RFT1: variants seen among roughly 807,000 people sequenced by gnomAD.
The protein encoded by RFT1 is man(5)GlcNAc(2)-PP-dolichol translocation protein RFT1.
A neutral mutation model predicts 62.2 loss-of-function variants in RFT1; 43 were observed. The observed-to-expected ratio is 0.69, with a 90% CI of 0.54 to 0.89. The LOEUF is 0.89. Ranked by LOEUF, RFT1 falls within the 40% of genes least tolerant of loss-of-function variation. The probability of loss-of-function intolerance (pLI) is 0.00; values close to 1 mark genes in which losing one functional copy is unlikely to be tolerated. For synonymous variants in RFT1, 262 were observed against 264.6 expected, an observed-to-expected ratio of 0.99 and a Z score of 0.10; for missense variants, 605 against 649.9, an observed-to-expected ratio of 0.93 and a Z score of 0.75.
At chr3:53,093,044 C>T (rs1303758401) in intron 11 of RFT1, among the ~76,000 whole-genome samples, 1 of 152,138 alleles carries the variant, frequency 6.6e-6, no homozygotes, top group African/African-American at 2.4e-5. Context: ...GGATTTATTT[C>T]ACAGACAAGG....
At chr3:53,125,847 G>T in intron 2 of RFT1, 62 bp downstream of exon 2, 2 of 1,287,538 alleles carry the variant, frequency 1.6e-6, no homozygotes, top group Non-Finnish European at 2.2e-6. Flanking sequence ...CAGGTACAGA[G>T]TTTGAAGAAA....
intron 5 of RFT1, among the ~76,000 whole-genome samples, chr3:53,120,862 A>C (rs1422591255): frequency 1.3e-5 from 2 of 152,176 alleles, no homozygotes; most frequent in African/African-American, 4.8e-5. Flanking sequence ...CTCCACTCCC[A>C]ACCATGCCTG....
intron 12 of RFT1, 58 bp downstream of exon 12, chr3:53,092,311 G>A (rs1701014483): frequency 1.3e-5 from 20 of 1,569,264 alleles, no homozygotes; most frequent in East Asian, 2.3e-5. Flanking sequence ...GAGGCCTAGC[G>A]GGAGAGACAG....
chr3:53,106,987 T>C, intron 7 of RFT1, 118 bp from the exon 8 acceptor site: 1 of 749,774 alleles, frequency 1.3e-6, no homozygotes, highest in Non-Finnish European at 2.4e-6. Flanking sequence ...TACTAGGTAA[T>C]CAGTTAAAGA....
the RFT1 span, among the ~76,000 whole-genome samples, chr3:53,067,845 G>C: frequency 6.6e-6 from 1 of 152,208 alleles, no homozygotes; most frequent in African/African-American, 2.4e-5. Context: ...CCACTGGCTG[G>C]GGAATAAGGT....
Position 53,130,388 on chromosome 3 carries a change from C to G in RFT1, c.13G>C (p.Glu5Gln). The G allele has an allele frequency of 1.3e-6, 2 of 1,556,646 alleles. No individual in the cohort carries two copies. Among genetic ancestry groups the G allele is most frequent in the Non-Finnish European group, 1.7e-6 (2 of 1,150,384 alleles). Residue 5 changes from glutamate to glutamine, a missense_variant, in exon 1 of 13, where the codon GAG (glutamate) becomes CAG (glutamine). Coordinates refer to ENST00000296292, the MANE Select transcript of RFT1 (RefSeq NM_052859.4). ...AGCCGGGCCGCGTGGCCCAGCACCT[C>G]CTGGCTGCCCATAGCCTCCGCGCCA... MGSQ[E>Q]VLGHAARLAS...
At chr3:53,073,696 C>T in the RFT1 span, among the ~76,000 whole-genome samples, 7 of 152,204 alleles carry the variant, frequency 4.6e-5, no homozygotes, top group Non-Finnish European at 1.0e-4. Context: ...TTGCCTTGCC[C>T]TGGGGGCAAC....
intron 7 of RFT1, among the ~76,000 whole-genome samples, chr3:53,110,943 C>A (rs1446456626): frequency 1.3e-5 from 2 of 152,074 alleles, no homozygotes; most frequent in Non-Finnish European, 2.9e-5. Context: ...GCTTCCAGCC[C>A]CTTGCTGGCC....
At chr3:53,103,218 A>G (rs766933521) in intron 10 of RFT1, 5 of 985,304 alleles carry the variant, frequency 5.1e-6, no homozygotes, top group East Asian at 1.1e-4. Context: ...AGCCCTTTAT[A>G]TTGAGATGGG....
rs746949696 is a variant in RFT1 at position 53,106,818 on chromosome 3, C to T, written c.826+1G>A. ...TAAAACACTACAGAATTTCATCTTA[C>T]CCTGATCACCAAAGTTCAATACATT... On this transcript the variant is annotated splice_donor_variant, in intron 8 of 12. Transcript: ENST00000296292. LOFTEE classifies it high-confidence loss of function. 8 of 1,610,504 alleles carry T rather than the reference C, an allele frequency of 5.0e-6. No individual in the cohort carries two copies. The highest frequency in any genetic ancestry group is 6.8e-6 in the Non-Finnish European group (8 of 1,176,854).
chr3:53,099,607 G>A (rs549652661), intron 10 of RFT1, 121 bp from the exon 11 acceptor site: 2 of 743,688 alleles, frequency 2.7e-6, no homozygotes, highest in South Asian at 2.9e-5. Context: ...TATCAGCAAT[G>A]GGCAGACTGC....
At chr3:53,098,573 C>T (rs140346251) in intron 11 of RFT1, among the ~76,000 whole-genome samples, 332 of 152,120 alleles carry the variant, frequency 2.2e-3, no homozygotes, top group Non-Finnish European at 3.5e-3. Flanking sequence ...GAGGCCAAGG[C>T]GGGAGAATCA....
chr3:53,109,430 A>T (rs1408892693), intron 7 of RFT1, among the ~76,000 whole-genome samples: 1 of 152,194 alleles, frequency 6.6e-6, no homozygotes, highest in Non-Finnish European at 1.5e-5. Flanking sequence ...CCTGTTACTC[A>T]TTCATCTCAG....
rs1559595960 is a variant in RFT1, at chr3:53,119,868, A to G, written c.696+16T>C. 1.3e-6 allele frequency: 2 copies of G among 1,593,114 alleles called. No homozygotes were observed. Among genetic ancestry groups the G allele is most frequent in the Non-Finnish European group, 1.7e-6 (2 of 1,165,286 alleles). ...CCTATGATTAAAATGATAAGAGATA[A>G]AAATGTATTACTTACTCCATTTCTT... On this transcript the variant is annotated intron_variant, in intron 6 of 12. Transcript: ENST00000296292.
the RFT1 span, among the ~76,000 whole-genome samples, chr3:53,081,489 G>A: frequency 2.0e-5 from 3 of 152,108 alleles, no homozygotes; most frequent in Non-Finnish European, 4.4e-5. Context: ...TGCGGCTTGG[G>A]GTTTCCAAGG....
downstream of RFT1, among the ~76,000 whole-genome samples, chr3:53,083,494 A>G (rs1462198601): frequency 3.7e-3 from 44 of 11,888 alleles, no homozygotes; most frequent in Middle Eastern, 0.025. Flanking sequence ...GACCCTATCT[A>G]AAAAAAAAAA....
the RFT1 span, among the ~76,000 whole-genome samples, chr3:53,069,594 A>G: frequency 6.6e-6 from 1 of 152,246 alleles, no homozygotes; most frequent in Non-Finnish European, 1.5e-5. Flanking sequence ...AAGATAAGCA[A>G]ACTCATAAGC....
At chr3:53,104,443 A>T (rs962115095) in intron 9 of RFT1, among the ~76,000 whole-genome samples, 1 of 151,822 alleles carries the variant, frequency 6.6e-6, no homozygotes, top group African/African-American at 2.4e-5. Flanking sequence ...TGACCAGGCT[A>T]ATCTCAAACT....
chr3:53,111,700 C>T, intron 7 of RFT1, 130 bp downstream of exon 7: 1 of 776,500 alleles, frequency 1.3e-6, no homozygotes. Context: ...ATTAAGCCCC[C>T]TCCTCCCATT....
Sources: allele counts gnomAD v4.1 joint callset (sites outside exome capture counted in the v4.1 genomes callset), GRCh38; gene constraint gnomAD v4.1.1; transcripts MANE v1.5; gene names NCBI Gene and HGNC (gene_info 2026-07-23, HGNC 2026-07-21).